NINJ2: variants seen among roughly 807,000 people sequenced by gnomAD.
NINJ2 encodes the protein ninjurin-2.
In NINJ2, 12 loss-of-function variants were observed where a neutral mutation model predicts 11.7. The observed-to-expected ratio is 1.02, with a 90% CI of 0.66 to 1.66. The LOEUF (loss-of-function observed/expected upper bound fraction) is 1.66. NINJ2 is among the 40% of genes most tolerant of loss of function. NINJ2 has a pLI of 0.00. For synonymous variants in NINJ2, 93 were observed against 76.8 expected, an observed-to-expected ratio of 1.21 and a Z score of -1.10; for missense variants, 187 against 181.8, an observed-to-expected ratio of 1.03 and a Z score of -0.16.
At chr12:662,616 A>C (rs918717347) in intron 1 of NINJ2, among the ~76,000 whole-genome samples, 1 of 152,144 alleles carries the variant, frequency 6.6e-6, no homozygotes, top group Admixed American at 6.5e-5. Context: ...GTGGTCATAG[A>C]AGGGTTCGTT....
chr12:604,226 C>T (rs922132126), intron 1 of NINJ2, among the ~76,000 whole-genome samples: 9 of 152,154 alleles, frequency 5.9e-5, no homozygotes, highest in Non-Finnish European at 1.0e-4. Context: ...TGGGGAGTAT[C>T]GCTATCTTAA....
chr12:620,519 C>T (rs1311648848), intron 1 of NINJ2, among the ~76,000 whole-genome samples: 6 of 152,236 alleles, frequency 3.9e-5, no homozygotes, highest in African/African-American at 1.4e-4. Context: ...AAAAGTATTA[C>T]TGAATGCATG....
At chr12:622,226 G>A (rs1407448062) in intron 1 of NINJ2, among the ~76,000 whole-genome samples, 1 of 151,416 alleles carries the variant, frequency 6.6e-6, no homozygotes, top group Non-Finnish European at 1.5e-5. Flanking sequence ...TCGAGACCAC[G>A]GTGAAACCCC....
chr12:571,794 A>G (rs758506931), intron 1 of NINJ2, among the ~76,000 whole-genome samples: 40 of 152,266 alleles, frequency 2.6e-4, no homozygotes, highest in Admixed American at 6.5e-5. Flanking sequence ...TGGGGACCAT[A>G]AGCTCCAACA....
At chr12:642,293 C>T (rs548672880) in intron 1 of NINJ2, among the ~76,000 whole-genome samples, 5 of 152,322 alleles carry the variant, frequency 3.3e-5, no homozygotes, top group Admixed American at 3.3e-4. Flanking sequence ...CGCAATGGTG[C>T]GATCTCGGCT....
In NINJ2 at chr12:614,432, C is replaced by T. The variant is rs749795211; in HGVS notation, c.34-48254G>A. On this transcript the variant is annotated intron_variant, in intron 1 of 3. Transcript: ENST00000305108. This position sits in a 1 kb window ranked among gnomAD's most constrained non-coding sequence, Gnocchi z 5.1. ...GATGGAATCTAGATGATCATCTGTG[C>T]GTGAGCTTCATGCCCAGGGGACATG... 7.9e-5 allele frequency among the ~76,000 whole-genome samples: 12 copies of T among 151,792 alleles called. No homozygotes were observed. Among genetic ancestry groups the T allele is most frequent in the Non-Finnish European group, 1.8e-4 (12 of 67,988 alleles).
At chr12:622,400 A>C in intron 1 of NINJ2, among the ~76,000 whole-genome samples, 1 of 107,276 alleles carries the variant, frequency 9.3e-6, no homozygotes, top group African/African-American at 3.8e-5. Flanking sequence ...ACAGAGTGAG[A>C]CTCCGTCTCA....
intron 1 of NINJ2, among the ~76,000 whole-genome samples, chr12:662,769 C>G (rs1937974739): frequency 6.6e-6 from 1 of 152,218 alleles, no homozygotes; most frequent in South Asian, 2.1e-4. Flanking sequence ...TACAGAGGGA[C>G]ACACATCTCT....
chr12:629,082 C>T (rs1282098451), intron 1 of NINJ2, among the ~76,000 whole-genome samples: 1 of 152,182 alleles, frequency 6.6e-6, no homozygotes, highest in Non-Finnish European at 1.5e-5. Context: ...AGCAAACTCG[C>T]TTTCACTTTA....
chr12:586,865 T>C (rs1011400698), intron 1 of NINJ2, among the ~76,000 whole-genome samples: 7 of 152,124 alleles, frequency 4.6e-5, no homozygotes, highest in South Asian at 2.1e-4. Flanking sequence ...CCTGCTCCCA[T>C]GAGAATCACT....
intron 1 of NINJ2, among the ~76,000 whole-genome samples, chr12:616,849 G>C (rs6489662): frequency 0.79 from 120,822 of 152,108 alleles, 48,263 homozygotes; most frequent in East Asian, 1. Flanking sequence ...ATCAAAAGAC[G>C]CTAAAAGCTT....
At chr12:589,587 C>A (rs1057207373) in intron 1 of NINJ2, 1 of 152,224 alleles carries the variant, frequency 6.6e-6, no homozygotes, top group Non-Finnish European at 1.5e-5. Context: ...AGCTCTAACA[C>A]TTCCACTTCT....
Position 566,173 on chromosome 12 carries a change from T to G in NINJ2, c.39A>C (p.Gly13=). 6.2e-7 allele frequency: 1 copy of G among 1,613,088 alleles called. No individual in the cohort carries two copies. The highest frequency in any genetic ancestry group is 8.5e-7 in the Non-Finnish European group (1 of 1,179,394). Residue 13 remains glycine (G), a synonymous_variant, in exon 2 of 4, where the codon GGA becomes GGC. Coordinates refer to ENST00000305108, the MANE Select transcript of NINJ2 (RefSeq NM_016533.6). ...SARENIDLQP[G]SSDPRSQPIN... ...TGGGCTGGCTCCTGGGGTCGGAGCT[T>G]CCAGGCTGTAGGGGAGAAAGCACAG...
intron 1 of NINJ2, chr12:645,412 G>A (rs764204236): frequency 2.6e-5 from 4 of 152,144 alleles, no homozygotes; most frequent in Non-Finnish European, 2.9e-5. Flanking sequence ...AATGGTAGCC[G>A]TTATCATTTA....
Position 580,515 on chromosome 12 carries a change from A to G in NINJ2, c.34-14337T>C, listed in dbSNP as rs2120831125. ...AGGCAGGAGAATCACTTGAACCTGG[A>G]GGCAAAGGTTGCAGGGAGACAAGAT... On this transcript the variant is annotated intron_variant, in intron 1 of 3. Transcript: ENST00000305108. The surrounding 1 kb of genome is among the most constrained non-coding windows in gnomAD (Gnocchi z 4.7). Among the ~76,000 whole-genome samples, 1 of 152,062 alleles carries G rather than the reference A, an allele frequency of 6.6e-6. No individual in the cohort carries two copies. The highest frequency in any genetic ancestry group is 2.1e-4 in the South Asian group (1 of 4,810).
At chr12:575,482 G>A (rs980848508) in intron 1 of NINJ2, among the ~76,000 whole-genome samples, 2 of 152,144 alleles carry the variant, frequency 1.3e-5, no homozygotes, top group African/African-American at 4.8e-5. Context: ...CTCCCCCCAG[G>A]GAGAGCCTCC....
chr12:626,605 A>T (rs911213206), intron 1 of NINJ2, among the ~76,000 whole-genome samples: 1 of 152,174 alleles, frequency 6.6e-6, no homozygotes, highest in African/African-American at 2.4e-5. Flanking sequence ...AAAAGGTGAA[A>T]CACAGAAGAA....
intron 1 of NINJ2, among the ~76,000 whole-genome samples, chr12:608,519 A>G (rs1454090063): frequency 3.3e-5 from 5 of 152,276 alleles, no homozygotes; most frequent in African/African-American, 1.2e-4. Context: ...ATGAGACATT[A>G]AATGAGATTA....
rs533778500 is a variant in NINJ2 at position 645,681 on chromosome 12, G to A, written c.33+17647C>T. Reference sequence around the variant, plus strand: ...GCAGTTGACATTTGCCCTCTTTGATGGCTCCACGACCAATTTCCCTTAGTC... The same window carrying A: ...GCAGTTGACATTTGCCCTCTTTGATAGCTCCACGACCAATTTCCCTTAGTC... On this transcript the variant is annotated intron_variant, in intron 1 of 3. Coordinates refer to ENST00000305108, the MANE Select transcript of NINJ2 (RefSeq NM_016533.6). 3.9e-5 allele frequency: 6 copies of A among 152,264 alleles called. No homozygotes were observed. In the East Asian group the frequency reaches 1.2e-3, roughly 29 times the overall value. The allele number at this position is 152,264 out of a possible 1,614,324, so 9.4% of individuals were successfully genotyped here.
Sources: gnomAD v4.1 joint callset for allele counts (sites outside exome capture counted in the v4.1 genomes callset) on GRCh38, gnomAD v4.1.1 for gene constraint, Gnocchi (gnomAD v3.1) non-coding constraint, MANE v1.5 for transcripts, NCBI Gene and HGNC (gene_info 2026-07-23, HGNC 2026-07-21) for gene names.